The following POU6F2 variants were observed in gnomAD, a reference collection of about 807,000 sequenced individuals.
POU6F2 encodes POU domain, class 6, transcription factor 2.
POU6F2 carries 31 observed loss-of-function variants against 71.3 expected under a neutral mutation model. That is an observed-to-expected ratio of 0.43 (90% CI 0.33 to 0.59). The LOEUF (loss-of-function observed/expected upper bound fraction) is 0.59, where lower values mean the gene tolerates loss of function less well. Among genes scored for constraint, POU6F2 ranks in the 20% least tolerant of loss-of-function variants. The pLI is 0.04. For missense variants in POU6F2, 783 were observed against 856.8 expected, an observed-to-expected ratio of 0.91 and a Z score of 1.07; for synonymous variants, 347 against 355.7, an observed-to-expected ratio of 0.98 and a Z score of 0.27.
intron 2 of POU6F2, among the ~76,000 whole-genome samples, chr7:39,176,143 G>A (rs1239535148): frequency 6.6e-6 from 1 of 152,106 alleles, no homozygotes; most frequent in Admixed American, 6.6e-5. Flanking sequence ...CCCCTGGCCT[G>A]CAGGCTCTTC....
chr7:39,375,117 G>A (rs995043545), intron 5 of POU6F2, among the ~76,000 whole-genome samples: 6 of 152,078 alleles, frequency 3.9e-5, no homozygotes, highest in Non-Finnish European at 5.9e-5. Flanking sequence ...TTGGGAGGGG[G>A]CTGGCGGGAA....
chr7:39,079,020 A>G (rs183701382), intron 1 of POU6F2, among the ~76,000 whole-genome samples: 6 of 152,238 alleles, frequency 3.9e-5, no homozygotes, highest in African/African-American at 1.2e-4. Context: ...TCGTGCTCCA[A>G]ACTGAGAGTG....
intron 5 of POU6F2, among the ~76,000 whole-genome samples, chr7:39,397,870 G>A (rs1377254120): frequency 6.8e-6 from 1 of 146,104 alleles, no homozygotes; most frequent in African/African-American, 2.6e-5. Context: ...CCAGGCTGGA[G>A]TGCAGTGGTG....
chr7:39,055,063 G>T (rs1442183295), intron 1 of POU6F2, among the ~76,000 whole-genome samples: 2 of 152,074 alleles, frequency 1.3e-5, no homozygotes, highest in Non-Finnish European at 2.9e-5. Context: ...AGATTGGAAA[G>T]GGGCAAAAGC....
chr7:39,333,890 A>G (rs562763290), intron 4 of POU6F2, among the ~76,000 whole-genome samples: 39 of 152,264 alleles, frequency 2.6e-4, no homozygotes, highest in Admixed American at 8.5e-4. Context: ...ATGGTTCCCA[A>G]TCCCCTGAGG....
chr7:39,335,280 A>G (rs894113355), intron 4 of POU6F2, among the ~76,000 whole-genome samples: 1 of 152,168 alleles, frequency 6.6e-6, no homozygotes. Context: ...TCATACTCAA[A>G]TTAGCATCTT....
At chr7:39,373,227 C>T (rs1223112136) in intron 5 of POU6F2, among the ~76,000 whole-genome samples, 1 of 152,124 alleles carries the variant, frequency 6.6e-6, no homozygotes, top group Non-Finnish European at 1.5e-5. Context: ...ACCATAGTAG[C>T]AGTGACGTTG....
chr7:39,015,505 T>A (rs1166111587), intron 1 of POU6F2, among the ~76,000 whole-genome samples: 35 of 61,748 alleles, frequency 5.7e-4, no homozygotes, highest in African/African-American at 1.5e-3. Context: ...TATTATATAT[T>A]ATTATATATA....
chr7:39,373,471 C>G (rs1562806596), intron 5 of POU6F2: 1 of 456,644 alleles, frequency 2.2e-6, no homozygotes, highest in Non-Finnish European at 4.4e-6. Context: ...TTCTTTTGCT[C>G]TGAAGATCCT....
intron 1 of POU6F2, among the ~76,000 whole-genome samples, chr7:39,046,074 G>C (rs938659592): frequency 1.3e-5 from 2 of 151,742 alleles, no homozygotes; most frequent in Admixed American, 6.6e-5. Flanking sequence ...ATTAGCATCA[G>C]CAGGATATAA....
At chr7:39,456,638 G>A (rs1788813092) in intron 8 of POU6F2, among the ~76,000 whole-genome samples, 1 of 152,146 alleles carries the variant, frequency 6.6e-6, no homozygotes, top group Admixed American at 6.5e-5. Context: ...GACTTTTGTA[G>A]TCTCAGAACC....
intron 4 of POU6F2, among the ~76,000 whole-genome samples, chr7:39,334,632 C>T (rs973116585): frequency 2.6e-5 from 4 of 152,152 alleles, no homozygotes; most frequent in East Asian, 1.9e-4. Context: ...CTTCCATCTG[C>T]GGGTGCAGGC....
intron 8 of POU6F2, among the ~76,000 whole-genome samples, chr7:39,456,926 T>C (rs558454854): frequency 6.6e-6 from 1 of 152,320 alleles, no homozygotes; most frequent in African/African-American, 2.4e-5. Context: ...GGGGGCCTCA[T>C]GGAAGATACT....
At chr7:39,338,267 T>C (rs1053641265) in intron 4 of POU6F2, among the ~76,000 whole-genome samples, 22 of 152,226 alleles carry the variant, frequency 1.4e-4, no homozygotes, top group African/African-American at 4.3e-4. Context: ...ACATCTTTGA[T>C]AAAATGTGAT....
intron 2 of POU6F2, among the ~76,000 whole-genome samples, chr7:39,119,661 A>G (rs1040663508): frequency 5.9e-5 from 9 of 152,354 alleles, no homozygotes; most frequent in Non-Finnish European, 1.2e-4. Context: ...ATTGGGCAAG[A>G]TAAACAGTTT....
chr7:39,013,706 A>G (rs1169861587), intron 1 of POU6F2: 2 of 152,226 alleles, frequency 1.3e-5, no homozygotes, highest in Non-Finnish European at 2.9e-5. Context: ...GGCAGCATTT[A>G]TGTTAAACAT....
At chr7:39,200,490 A>G (rs1241943406) in intron 2 of POU6F2, among the ~76,000 whole-genome samples, 1 of 152,094 alleles carries the variant, frequency 6.6e-6, no homozygotes, top group East Asian at 1.9e-4. Context: ...CTATATGTAA[A>G]CATCTTGCTT....
At chr7:39,080,718 C>A (rs908328538) in intron 1 of POU6F2, among the ~76,000 whole-genome samples, 1 of 152,136 alleles carries the variant, frequency 6.6e-6, no homozygotes, top group African/African-American at 2.4e-5. Context: ...TTAGTTTGCA[C>A]GTACATAAAA....
chr7:39,215,994 G>A (rs576714635), intron 4 of POU6F2, among the ~76,000 whole-genome samples: 15 of 152,192 alleles, frequency 9.9e-5, no homozygotes, highest in Middle Eastern at 3.4e-3. Context: ...TGTTTTTTTC[G>A]TTACAAAGGG....
Sources: allele counts gnomAD v4.1 joint callset (sites outside exome capture counted in the v4.1 genomes callset), GRCh38; gene constraint gnomAD v4.1.1; transcripts MANE v1.5; gene names NCBI Gene and HGNC (gene_info 2026-07-23, HGNC 2026-07-21).